The following JAKMIP3 variants were observed in gnomAD, a reference collection of about 807,000 sequenced individuals.
The protein encoded by JAKMIP3 is Janus kinase and microtubule interacting protein 3.
In JAKMIP3, 58 loss-of-function variants were observed where a neutral mutation model predicts 118.5. The observed-to-expected ratio is 0.49, with a 90% CI of 0.40 to 0.61. JAKMIP3 has a LOEUF of 0.61. JAKMIP3 is among the 20% of genes least tolerant of loss of function. The probability of loss-of-function intolerance (pLI) is 0.00; values close to 1 mark genes in which losing one functional copy is unlikely to be tolerated. For synonymous variants in JAKMIP3, 486 were observed against 451.2 expected, an observed-to-expected ratio of 1.08 and a Z score of -0.98; for missense variants, 950 against 1,109.0, an observed-to-expected ratio of 0.86 and a Z score of 2.04.
At chr10:132,149,316 C>T (rs1277535239) in intron 14 of JAKMIP3, 96 bp from the exon 15 acceptor site, 5 of 771,822 alleles carry the variant, frequency 6.5e-6, no homozygotes, top group African/African-American at 1.8e-5. Context: ...TCCCTGGTTC[C>T]ATGGTCTTGG....
intron 23 of JAKMIP3, among the ~76,000 whole-genome samples, chr10:132,176,548 C>T (rs543847509): frequency 3.5e-4 from 53 of 152,310 alleles, no homozygotes; most frequent in African/African-American, 1.3e-3. Flanking sequence ...CCCATGAGGG[C>T]TTTGTGCAGT....
intron 6 of JAKMIP3, among the ~76,000 whole-genome samples, chr10:132,136,696 T>A (rs904307704): frequency 1.3e-5 from 2 of 152,144 alleles, no homozygotes; most frequent in Non-Finnish European, 2.9e-5. Flanking sequence ...GGAGGCCACA[T>A]GGGAAATGGG....
intron 8 of JAKMIP3, among the ~76,000 whole-genome samples, chr10:132,137,590 G>A (rs1337810823): frequency 1.3e-5 from 2 of 152,222 alleles, no homozygotes; most frequent in Non-Finnish European, 2.9e-5. Flanking sequence ...TTCTCCGGCT[G>A]CTCACCCCAC....
chr10:132,135,088 C>A lies in JAKMIP3; in HGVS notation c.897C>A (p.Ile299=), dbSNP rs1452723601. 2 of 1,613,606 alleles carry A rather than the reference C, an allele frequency of 1.2e-6. No individual in the cohort carries two copies. Among genetic ancestry groups the A allele is most frequent in the South Asian group, 2.2e-5 (2 of 91,076 alleles). The change falls in exon 5 of 24, where the codon ATC becomes ATA. Residue 299 remains isoleucine, a synonymous_variant. Transcript: ENST00000684848. ...EKDARRFQLK[I]AELSAIIRKL... ...ATGCCCGGCGCTTCCAGCTTAAAATCGCGGAGTTAAGTGCGATTATCCGCA... is the reference window on the plus strand; with the variant it reads ...ATGCCCGGCGCTTCCAGCTTAAAATAGCGGAGTTAAGTGCGATTATCCGCA...
chr10:132,104,092 G>A (rs909712948), intron 1 of JAKMIP3, among the ~76,000 whole-genome samples: 6 of 152,158 alleles, frequency 3.9e-5, no homozygotes, highest in Admixed American at 2.0e-4. Flanking sequence ...ATTCTGCTAC[G>A]TGGATATTCT....
upstream of JAKMIP3, among the ~76,000 whole-genome samples, chr10:132,063,323 G>A (rs1023857253): frequency 1.3e-5 from 2 of 152,164 alleles, no homozygotes; most frequent in South Asian, 2.1e-4. Context: ...CTCAGAACAC[G>A]TCCTGGGGGT....
At chr10:132,057,452 G>A (rs1405166662) in intron 1 of JAKMIP3, among the ~76,000 whole-genome samples, 6 of 152,198 alleles carry the variant, frequency 3.9e-5, no homozygotes, top group African/African-American at 9.7e-5. Flanking sequence ...CCACTGTATC[G>A]CCCTCAGAGG....
At chr10:132,145,028 T>A in intron 11 of JAKMIP3, 79 bp from the exon 12 acceptor site, 1 of 1,187,154 alleles carries the variant, frequency 8.4e-7, no homozygotes, top group Non-Finnish European at 1.2e-6. Flanking sequence ...GACAGACCCT[T>A]CTGACGTCCC....
At chr10:132,145,402 C>T (rs961458612) in intron 12 of JAKMIP3, 116 bp from the exon 13 acceptor site, 88 of 1,073,866 alleles carry the variant, frequency 8.2e-5, no homozygotes, top group Middle Eastern at 5.9e-4. Flanking sequence ...TTTGTAGAGA[C>T]GGGGCTTTGC....
Position 132,149,571 on chromosome 10 carries a change from T to TCCGCCCCCGCCCCACCCCCC in JAKMIP3, c.1947+62_1947+63insCGCCCCCGCCCCACCCCCCC, listed in dbSNP as rs1589954232. On this transcript the variant is annotated intron_variant, in intron 15 of 23. Coordinates refer to ENST00000684848, the MANE Select transcript of JAKMIP3 (RefSeq NM_001323087.2). ...CTCACCCATCCCCCGCCCCACCCCC[T>TCCGCCCCCGCCCCACCCCCC]CTCCGCCCCCGCCCCACCCCCCTCC... The TCCGCCCCCGCCCCACCCCCC allele has an allele frequency of 6.4e-5, 20 of 311,842 alleles. No homozygotes were observed. The East Asian group carries it at 6.8e-4, about 11-fold the overall frequency. The allele number at this position is 311,842 out of a possible 1,614,324, so 19.3% of individuals were successfully genotyped here.
chr10:132,106,357 TA>T (rs531394271), intron 2 of JAKMIP3, among the ~76,000 whole-genome samples: 25 of 126,370 alleles, frequency 2.0e-4, no homozygotes, highest in South Asian at 1.6e-3. Flanking sequence ...AAAAATGATT[TA>T]AAAAAAAAAA....
intron 19 of JAKMIP3, among the ~76,000 whole-genome samples, chr10:132,162,428 G>C (rs566009365): frequency 1.2e-4 from 18 of 152,358 alleles, no homozygotes; most frequent in African/African-American, 4.3e-4. Flanking sequence ...AAGGCACCAA[G>C]CTCTTTTGCT....
intron 1 of JAKMIP3, among the ~76,000 whole-genome samples, chr10:132,085,745 C>T (rs533523633): frequency 6.6e-6 from 1 of 152,306 alleles, no homozygotes; most frequent in South Asian, 2.1e-4. Flanking sequence ...GTGATCCACC[C>T]ACCTCGGCCT....
intron 1 of JAKMIP3, among the ~76,000 whole-genome samples, chr10:132,087,398 G>A (rs773172550): frequency 3.3e-5 from 5 of 152,164 alleles, no homozygotes; most frequent in Non-Finnish European, 4.4e-5. Flanking sequence ...GTATCTGGAT[G>A]TCTAGGTCTC....
intron 1 of JAKMIP3, among the ~76,000 whole-genome samples, chr10:132,067,809 G>A (rs1473299382): frequency 2.1e-5 from 3 of 144,722 alleles, no homozygotes; most frequent in Non-Finnish European, 4.5e-5. Flanking sequence ...TGTGGACTGT[G>A]GGCTTCCGTG....
rs1398275573 is a variant in JAKMIP3, at chr10:132,149,395, C to T, written c.1849-17C>T. 6.4e-7 allele frequency: 1 copy of T among 1,555,688 alleles called. No homozygotes were observed. Among genetic ancestry groups the T allele is most frequent in the African/African-American group, 1.4e-5 (1 of 73,602 alleles). On this transcript the variant is annotated splice_polypyrimidine_tract_variant and intron_variant, in intron 14 of 23. Coordinates refer to ENST00000684848, the MANE Select transcript of JAKMIP3 (RefSeq NM_001323087.2). The stretch of plus-strand genomic sequence containing the variant: ...GATGGGAGGGGAGCGGCTCACCCTT[C>T]TGTCCCTCTGTCCTAGGAGAGGGAG...
At chr10:132,067,983 C>T (rs577553961) in intron 1 of JAKMIP3, among the ~76,000 whole-genome samples, 4 of 145,036 alleles carry the variant, frequency 2.8e-5, no homozygotes, top group East Asian at 2.1e-4. Context: ...TGTGAGCTTC[C>T]GTGTGGACTG....
At chr10:132,148,518 C>T (rs553510173) in intron 14 of JAKMIP3, among the ~76,000 whole-genome samples, 3 of 115,534 alleles carry the variant, frequency 2.6e-5, no homozygotes, top group South Asian at 3.1e-4. Flanking sequence ...GTCCTCCATC[C>T]GCCCGTCCTC....
chr10:132,117,634 T>C lies in JAKMIP3; in HGVS notation c.633+60T>C. ...GTGCAGGGGCGGGCGTGGGCGAGGG[T>C]GCAGGGGCGGGCGTGGGCGAGGGTG... On this transcript the variant is annotated intron_variant, in intron 3 of 23. Coordinates refer to ENST00000684848, the MANE Select transcript of JAKMIP3 (RefSeq NM_001323087.2). The surrounding 1 kb of genome is among the most constrained non-coding windows in gnomAD (Gnocchi z 8.6). The C allele has an allele frequency of 2.1e-6, 2 of 949,230 alleles. No individual in the cohort carries two copies. Among genetic ancestry groups the C allele is most frequent in the South Asian group, 4.0e-5 (2 of 50,164 alleles). 58.8% of individuals were successfully genotyped at this position (949,230 alleles called of 1,614,324 possible).
Sources: gnomAD v4.1 joint callset for allele counts (sites outside exome capture counted in the v4.1 genomes callset) on GRCh38, gnomAD v4.1.1 for gene constraint, Gnocchi (gnomAD v3.1) non-coding constraint, MANE v1.5 for transcripts, NCBI Gene and HGNC (gene_info 2026-07-23, HGNC 2026-07-21) for gene names.